The following CACNA1D variants were observed in gnomAD, a reference collection of about 807,000 sequenced individuals.
CACNA1D encodes the protein calcium voltage-gated channel subunit alpha1 D.
CACNA1D carries 55 observed loss-of-function variants against 257.1 expected under a neutral mutation model. That is an observed-to-expected ratio of 0.21 (90% CI 0.17 to 0.27). The LOEUF (loss-of-function observed/expected upper bound fraction) is 0.27. CACNA1D is among the 10% of genes least tolerant of loss of function. The probability of loss-of-function intolerance (pLI) is 1.00; values close to 1 mark genes in which losing one functional copy is unlikely to be tolerated. For missense variants in CACNA1D, 1,876 were observed against 2,784.0 expected, an observed-to-expected ratio of 0.67 and a Z score of 7.34; for synonymous variants, 980 against 1,014.9, an observed-to-expected ratio of 0.97 and a Z score of 0.65.
chr3:53,505,115 G>GTTTTTTTTTTTT (rs35938386), intron 3 of CACNA1D, among the ~76,000 whole-genome samples: 8 of 97,608 alleles, frequency 8.2e-5, no homozygotes, highest in Non-Finnish European at 1.3e-4. Flanking sequence ...TTGTTTATTT[G>GTTTTTTTTTTTT]TTTTTTTTTT....
At chr3:53,808,210 C>G in intron 45 of CACNA1D, 1 of 198,032 alleles carries the variant, frequency 5.0e-6, no homozygotes, top group Non-Finnish European at 1.0e-5. Flanking sequence ...GTCAGGAGAT[C>G]GAGACCATCC....
chr3:53,809,821 A>G, intron 46 of CACNA1D, 157 bp from the exon 47 acceptor site: 1 of 715,262 alleles, frequency 1.4e-6, no homozygotes, highest in Middle Eastern at 2.4e-4. Flanking sequence ...ATCACCGCCC[A>G]TTCATTCAGC....
At chr3:53,670,235 G>A (rs2094309627) in intron 7 of CACNA1D, among the ~76,000 whole-genome samples, 1 of 152,178 alleles carries the variant, frequency 6.6e-6, no homozygotes, top group East Asian at 1.9e-4. Context: ...ATGCTCTGGG[G>A]TGTTAAAACC....
intron 3 of CACNA1D, among the ~76,000 whole-genome samples, chr3:53,596,630 G>A (rs1028500660): frequency 4.6e-5 from 7 of 152,296 alleles, no homozygotes; most frequent in East Asian, 3.9e-4. Context: ...TGATGGAAGC[G>A]CAGAAGTCAA....
intron 9 of CACNA1D, among the ~76,000 whole-genome samples, chr3:53,717,283 T>A (rs2094829838): frequency 1.3e-5 from 2 of 152,246 alleles, no homozygotes; most frequent in South Asian, 4.1e-4. Context: ...ACCCCTGAGG[T>A]AGCTCTCTTC....
At chr3:53,770,581 T>A in intron 32 of CACNA1D, 29 bp downstream of exon 32, 1 of 1,610,952 alleles carries the variant, frequency 6.2e-7, no homozygotes. Flanking sequence ...ACTTCTCTCT[T>A]TGTCTTTGAA....
At chr3:53,646,796 G>A (rs1259202349) in intron 3 of CACNA1D, among the ~76,000 whole-genome samples, 1 of 152,220 alleles carries the variant, frequency 6.6e-6, no homozygotes, top group Non-Finnish European at 1.5e-5. Context: ...TTGCTGAGAA[G>A]GATGCAGGTG....
intron 7 of CACNA1D, among the ~76,000 whole-genome samples, chr3:53,672,562 A>AC (rs2094333127): frequency 2.6e-5 from 4 of 152,180 alleles, no homozygotes; most frequent in Non-Finnish European, 5.9e-5. Flanking sequence ...ACCATCACAA[A>AC]CTTTAAACAC....
In CACNA1D at chr3:53,810,015, A is replaced by G; in HGVS notation, c.5909A>G (p.Gln1970Arg). The change falls in exon 47 of 48, where the codon CAG (glutamine) becomes CGG (arginine). Residue 1970 changes from glutamine (Q) to arginine (R), a missense_variant. By Grantham distance (43) the Gln-to-Arg change is conservative (BLOSUM62 1). Transcript: ENST00000350061. ...AVAGLDSSKA[Q>R]KYSPSHSTRS... ...GCCGGCCTAGATTCAAGTAAAGCCC[A>G]GAAGTACTCACCGAGTCACTCGACC... 3.1e-6 allele frequency: 5 copies of G among 1,614,044 alleles called. No individual in the cohort carries two copies. Among genetic ancestry groups the G allele is most frequent in the Non-Finnish European group, 4.2e-6 (5 of 1,180,020 alleles).
chr3:53,706,456 C>T (rs887855508), intron 9 of CACNA1D, among the ~76,000 whole-genome samples: 4 of 152,178 alleles, frequency 2.6e-5, no homozygotes, highest in Admixed American at 2.6e-4. Flanking sequence ...AATTACTCAA[C>T]CTCTCTGGAC....
In CACNA1D at chr3:53,496,089, C is replaced by T. The variant is rs373589824; in HGVS notation, c.67+856C>T. Among the ~76,000 whole-genome samples the T allele has an allele frequency of 3.4e-4, 52 of 152,380 alleles. No homozygotes were observed. The South Asian group carries it at 9.7e-3, about 29-fold the overall frequency. ...GCCCGCCGCTCGCCCGCTTTGCCCT[C>T]TTCTCAGGCTTTCAGACCCGTGCTT... On this transcript the variant is annotated intron_variant, in intron 1 of 47. Transcript: ENST00000350061.
chr3:53,558,801 C>T (rs2092689336), intron 3 of CACNA1D, among the ~76,000 whole-genome samples: 1 of 151,908 alleles, frequency 6.6e-6, no homozygotes, highest in Admixed American at 6.6e-5. Context: ...TTTTCATTGT[C>T]TTTAGTTTTT....
At chr3:53,764,451 C>G (rs144716162) in intron 30 of CACNA1D, among the ~76,000 whole-genome samples, 2 of 152,230 alleles carry the variant, frequency 1.3e-5, no homozygotes, top group African/African-American at 2.4e-5. Flanking sequence ...GCAGATCTCC[C>G]TGGACTGCTC....
rs117368179 is a variant in CACNA1D at position 53,693,053 on chromosome 3, G to A, written c.1221-9588G>A. 4.6e-5 allele frequency among the ~76,000 whole-genome samples: 7 copies of A among 152,260 alleles called. No homozygotes were observed. The East Asian group carries it at 1.3e-3, about 29-fold the overall frequency. On this transcript the variant is annotated intron_variant, in intron 8 of 47. Transcript: ENST00000350061. ...CCCAGACCCTGTCTCAAAACTAAAA[G>A]TAAAAATAGAAATGTGATTGTCAAA... is the stretch of plus-strand genomic sequence containing the variant.
chr3:53,666,960 C>G (rs911335474), intron 7 of CACNA1D, among the ~76,000 whole-genome samples: 4 of 152,116 alleles, frequency 2.6e-5, no homozygotes, highest in Admixed American at 2.6e-4. Flanking sequence ...CTACTAGATC[C>G]TAAAGGGAAG....
intron 3 of CACNA1D, among the ~76,000 whole-genome samples, chr3:53,563,165 C>T (rs1326800328): frequency 6.6e-6 from 1 of 152,208 alleles, no homozygotes; most frequent in Non-Finnish European, 1.5e-5. Context: ...CCACACCTTT[C>T]ACTCCTTTGG....
At chr3:53,557,244 C>T (rs1245463698) in intron 3 of CACNA1D, among the ~76,000 whole-genome samples, 1 of 152,036 alleles carries the variant, frequency 6.6e-6, no homozygotes, top group Non-Finnish European at 1.5e-5. Flanking sequence ...CGCTGTAATC[C>T]CAGCACTTGG....
rs1339119595 is a variant in CACNA1D, at chr3:53,812,180, T to C, written c.*774T>C. 6.6e-6 allele frequency: 1 copy of C among 152,254 alleles called. No individual in the cohort carries two copies. Among genetic ancestry groups the C allele is most frequent in the Admixed American group, 6.5e-5 (1 of 15,292 alleles). The allele number at this position is 152,254 out of a possible 1,614,324, so 9.4% of individuals were successfully genotyped here. Reference sequence around the variant, plus strand: ...TTACTGTACATGACTTGTAATATACTATAATTTGTATTTGTAAAGAGATGG... The same window carrying C: ...TTACTGTACATGACTTGTAATATACCATAATTTGTATTTGTAAAGAGATGG... On this transcript the variant is annotated 3_prime_UTR_variant, in exon 48 of 48. Coordinates refer to ENST00000350061, the MANE Select transcript of CACNA1D (RefSeq NM_001128840.3).
rs532870594 is a variant in CACNA1D at position 53,578,492 on chromosome 3, G to A, written c.484-72287G>A. ...CCCATCAAGTCATGGGTGCCCAGCC[G>A]AAAGTCTTTAAGGGGTCGAGTGAGG... On this transcript the variant is annotated intron_variant, in intron 3 of 47. Transcript: ENST00000350061. Among the ~76,000 whole-genome samples the A allele has an allele frequency of 3.9e-5, 6 of 152,286 alleles. No homozygotes were observed. The East Asian group carries it at 5.8e-4, about 15-fold the overall frequency.
Sources: gnomAD v4.1 joint callset for allele counts (sites outside exome capture counted in the v4.1 genomes callset) on GRCh38, gnomAD v4.1.1 for gene constraint, MANE v1.5 for transcripts, NCBI Gene and HGNC (gene_info 2026-07-23, HGNC 2026-07-21) for gene names.